Variants in ABLIM2 observed in about 807,000 individuals in gnomAD.
The protein encoded by ABLIM2 is actin-binding LIM protein 2.
ABLIM2 carries 53 observed loss-of-function variants against 97.7 expected under a neutral mutation model. That is an observed-to-expected ratio of 0.54 (90% confidence interval 0.44 to 0.68). ABLIM2 has a LOEUF of 0.68. ABLIM2 is among the 30% of genes least tolerant of loss of function. ABLIM2 has a pLI of 0.00. For synonymous variants in ABLIM2, 361 were observed against 345.8 expected (o/e 1.04, Z -0.49); for missense variants, 835 against 867.2 (o/e 0.96, Z 0.47).
chr4:7,967,035 G>C lies in ABLIM2; in HGVS notation c.1893C>G (p.Ala631=). The stretch of plus-strand genomic sequence containing the variant: ...TCTTAAGGTCATTCCTCTTCCAGAG[G>C]GCCAGGCGGTCAAACTCCTCGATGC... The part of the protein sequence containing the change: ...GMSIEEFDRL[A]LWKRNDLKKK... The change falls in exon 21 of 21, where the codon GCC becomes GCG. Residue 631 remains alanine, a synonymous_variant. Coordinates refer to ENST00000447017, the MANE Select transcript of ABLIM2 (RefSeq NM_001130083.2). 1 of 1,613,902 alleles carries C rather than the reference G, an allele frequency of 6.2e-7. No homozygotes were observed. The highest frequency in any genetic ancestry group is 8.5e-7 in the Non-Finnish European group (1 of 1,179,974).
chr4:8,027,871 G>A lies in ABLIM2; in HGVS notation c.1169-14C>T. 6.4e-7 allele frequency: 1 copy of A among 1,565,774 alleles called. No homozygotes were observed. The highest frequency in any genetic ancestry group is 8.6e-7 in the Non-Finnish European group (1 of 1,157,698). On this transcript the variant is annotated splice_polypyrimidine_tract_variant and intron_variant, in intron 11 of 20. Coordinates refer to ENST00000447017, the MANE Select transcript of ABLIM2 (RefSeq NM_001130083.2). ...TCACAGTACCAGCTACGGGGTAACAGAGAGCAAGTCAGAGTCAACCTGGGC... is the reference window on the plus strand; with the variant it reads ...TCACAGTACCAGCTACGGGGTAACAAAGAGCAAGTCAGAGTCAACCTGGGC...
chr4:8,020,846 C>CTTTTTTTTTTTTTTTTT, intron 12 of ABLIM2: 1 of 94,720 alleles, frequency 1.1e-5, no homozygotes, highest in Non-Finnish European at 2.0e-5. Context: ...TTACCACATT[C>CTTTTTTTTTTTTTTTTT]TTTTTTTTTT....
intron 20 of ABLIM2, among the ~76,000 whole-genome samples, chr4:7,969,209 T>G (rs546924127): frequency 6.6e-6 from 1 of 152,236 alleles, no homozygotes; most frequent in Admixed American, 6.5e-5. Flanking sequence ...ATCCCAGCAC[T>G]TTGGGAGGCC....
chr4:8,014,539 T>G (rs1295790825), intron 14 of ABLIM2, among the ~76,000 whole-genome samples: 1 of 152,150 alleles, frequency 6.6e-6, no homozygotes, highest in Non-Finnish European at 1.5e-5. Flanking sequence ...AGCATGGGCG[T>G]TGGAAACTAG....
Position 8,017,451 on chromosome 4 carries a change from TA to T in ABLIM2, c.1423+2166del. ...ACAGGTGCACATTGCCACACCTGGC[TA>T]TTTTTTTTGTATTTTAGTAGAGATG... is the stretch of plus-strand genomic sequence containing the variant. On this transcript the variant is annotated intron_variant, in intron 14 of 20. Transcript: ENST00000447017. 2.0e-5 allele frequency among the ~76,000 whole-genome samples: 3 copies of T among 152,088 alleles called. No individual in the cohort carries two copies. In the South Asian group the frequency reaches 6.3e-4, roughly 32 times the overall value.
At chr4:8,052,609 A>G (rs1424250132) in intron 8 of ABLIM2, among the ~76,000 whole-genome samples, 5 of 152,224 alleles carry the variant, frequency 3.3e-5, no homozygotes, top group Non-Finnish European at 7.3e-5. Context: ...TCAGGGACAC[A>G]GGTGGGAAGC....
At chr4:8,007,848 A>C (rs1042235335) in intron 16 of ABLIM2, 1 of 1,373,410 alleles carries the variant, frequency 7.3e-7, no homozygotes, top group African/African-American at 1.5e-5. Flanking sequence ...GGCCCTCGTT[A>C]GCACACTGGC....
intron 17 of ABLIM2, among the ~76,000 whole-genome samples, chr4:7,987,691 G>T (rs1745489428): frequency 6.6e-6 from 1 of 152,158 alleles, no homozygotes; most frequent in Non-Finnish European, 1.5e-5. Context: ...GGTATTCCAG[G>T]ATCTGAGATA....
intron 1 of ABLIM2, among the ~76,000 whole-genome samples, chr4:8,146,340 C>T (rs893691609): frequency 2.6e-5 from 4 of 152,056 alleles, no homozygotes; most frequent in Non-Finnish European, 4.4e-5. Context: ...TTGCAGAGGC[C>T]GCATGACATG....
intron 6 of ABLIM2, among the ~76,000 whole-genome samples, chr4:8,064,875 C>T (rs1338135107): frequency 6.6e-6 from 1 of 152,178 alleles, no homozygotes; most frequent in Non-Finnish European, 1.5e-5. Context: ...ATAATTCACG[C>T]ACCCCTCTGT....
chr4:8,059,904 TTC>T (rs1801780945), intron 7 of ABLIM2, among the ~76,000 whole-genome samples: 1 of 91,362 alleles, frequency 1.1e-5, no homozygotes, highest in African/African-American at 6.1e-5. Context: ...AAGACTCTGT[TTC>T]AAAAAAAAAA....
intron 2 of ABLIM2, among the ~76,000 whole-genome samples, chr4:8,103,645 C>T (rs1005029284): frequency 2.0e-5 from 3 of 152,204 alleles, no homozygotes; most frequent in African/African-American, 7.2e-5. Flanking sequence ...CCTGGGTCAG[C>T]CTGCCATTGA....
At position 8,115,632 on chromosome 4, in the gene ABLIM2, G is replaced by C. The variant is rs114961338; in HGVS notation, c.11-8995C>G. 9.9e-3 allele frequency among the ~76,000 whole-genome samples: 1,502 copies of C among 152,334 alleles called. 28 individuals carry two copies. Among genetic ancestry groups the C allele is most frequent in the African/African-American group, 0.034 (1,414 of 41,568 alleles). Reference sequence around the variant, plus strand: ...TATCCCTCTGAGCTCCCCACGGGCTGTCTGAGCAAAGCCCTGTGGCATGCT... The same window carrying C: ...TATCCCTCTGAGCTCCCCACGGGCTCTCTGAGCAAAGCCCTGTGGCATGCT... On this transcript the variant is annotated intron_variant, in intron 1 of 20. Coordinates refer to ENST00000447017, the MANE Select transcript of ABLIM2 (RefSeq NM_001130083.2).
chr4:8,093,927 C>T (rs1330065655), intron 3 of ABLIM2, among the ~76,000 whole-genome samples: 1 of 152,130 alleles, frequency 6.6e-6, no homozygotes, highest in Non-Finnish European at 1.5e-5. Context: ...CAATTACTTC[C>T]TTAAACACTT....
intron 2 of ABLIM2, among the ~76,000 whole-genome samples, chr4:8,105,524 C>T (rs960867525): frequency 6.6e-6 from 1 of 152,142 alleles, no homozygotes; most frequent in Non-Finnish European, 1.5e-5. Flanking sequence ...TCATCATGCT[C>T]AATTATCGGC....
Position 8,110,182 on chromosome 4 carries a change from G to A in ABLIM2, c.11-3545C>T, listed in dbSNP as rs527880591. 1.1e-3 allele frequency among the ~76,000 whole-genome samples: 170 copies of A among 152,368 alleles called. 1 individual carries two copies. Among genetic ancestry groups the A allele is most frequent in the African/African-American group, 4.0e-3 (166 of 41,596 alleles). On this transcript the variant is annotated intron_variant, in intron 1 of 20. Coordinates refer to ENST00000447017, the MANE Select transcript of ABLIM2 (RefSeq NM_001130083.2). ...CTGAGGCTCAGTCAGAGCTCACAGG[G>A]GTGGGGGCCGTGCATCTTCAAGACG... is the stretch of plus-strand genomic sequence containing the variant.
At chr4:8,096,596 C>T (rs1490410625) in intron 3 of ABLIM2, among the ~76,000 whole-genome samples, 1 of 152,208 alleles carries the variant, frequency 6.6e-6, no homozygotes, top group East Asian at 1.9e-4. Flanking sequence ...TGAAAACGTC[C>T]CCTGCAAACA....
chr4:7,980,910 G>A (rs192662208), intron 20 of ABLIM2, among the ~76,000 whole-genome samples: 5 of 142,694 alleles, frequency 3.5e-5, no homozygotes, highest in Admixed American at 7.2e-5. Context: ...CTTCATCTAC[G>A]TAATAAGAAC....
Position 8,071,252 on chromosome 4 carries a change from C to G in ABLIM2, c.675+6376G>C, listed in dbSNP as rs993269120. Among the ~76,000 whole-genome samples, 1 of 152,170 alleles carries G rather than the reference C, an allele frequency of 6.6e-6. No individual in the cohort carries two copies. The highest frequency in any genetic ancestry group is 2.4e-5 in the African/African-American group (1 of 41,434). On this transcript the variant is annotated intron_variant, in intron 6 of 20. Coordinates refer to ENST00000447017, the MANE Select transcript of ABLIM2 (RefSeq NM_001130083.2). The surrounding 1 kb of genome is among the most constrained non-coding windows in gnomAD (Gnocchi z 6.2). ...TGCTGCCCCAGCCCAGTGCCTCCCCCATCCCTAGCCAGCCATCCCGGCCCA... is the reference window on the plus strand; with the variant it reads ...TGCTGCCCCAGCCCAGTGCCTCCCCGATCCCTAGCCAGCCATCCCGGCCCA...
Sources: allele counts gnomAD v4.1 joint callset (sites outside exome capture counted in the v4.1 genomes callset), GRCh38; gene constraint gnomAD v4.1.1; non-coding constraint Gnocchi (gnomAD v3.1); transcripts MANE v1.5; gene names NCBI Gene and HGNC (gene_info 2026-07-23, HGNC 2026-07-21).